Variants in LRRN1 observed in about 807,000 individuals in gnomAD.
The protein encoded by LRRN1 is leucine rich repeat neuronal 1.
In LRRN1, 14 loss-of-function variants were observed where a neutral mutation model predicts 45.8. The ratio of observed to expected loss-of-function variants is 0.31; its 90% CI spans 0.20 to 0.48. The LOEUF (loss-of-function observed/expected upper bound fraction) is 0.48, where lower values mean the gene tolerates loss of function less well. Among genes scored for constraint, LRRN1 ranks in the 20% least tolerant of loss-of-function variants. The probability of loss-of-function intolerance (pLI) is 0.99; values close to 1 mark genes in which losing one functional copy is unlikely to be tolerated. For missense variants in LRRN1, 789 were observed against 874.2 expected (o/e 0.90, Z 1.23); for synonymous variants, 359 against 330.1 (o/e 1.09, Z -0.95).
At position 3,799,447 on chromosome 3, in the gene LRRN1, G is replaced by T. The variant is rs540048320; in HGVS notation, c.-751G>T. ...GGCTGCGGGGAGCACAAAGCGGGGC[G>T]CACCGCGGGCGCCGGCAACGAGCCG... is the stretch of plus-strand genomic sequence containing the variant. On this transcript the variant is annotated 5_prime_UTR_variant, in exon 1 of 2. Coordinates refer to ENST00000319331, the MANE Select transcript of LRRN1 (RefSeq NM_020873.7). The T allele has an allele frequency of 3.3e-5, 5 of 152,006 alleles. No homozygotes were observed. The highest frequency in any genetic ancestry group is 1.3e-4 in the Admixed American group (2 of 15,274). The allele number at this position is 152,006 out of a possible 1,614,324, so 9.4% of individuals were successfully genotyped here. A position where few individuals can be genotyped will look rare whatever the true frequency, so the allele number is the denominator to read the frequency against.
chr3:3,835,330 A>C (rs1693484032), intron 1 of LRRN1, among the ~76,000 whole-genome samples: 1 of 152,232 alleles, frequency 6.6e-6, no homozygotes, highest in South Asian at 2.1e-4. Context: ...TGAATTTCTC[A>C]TGTAATTGAA....
Position 3,849,317 on chromosome 3 carries a change from G to A in LRRN1, c.*2525G>A, listed in dbSNP as rs1168185051. On this transcript the variant is annotated 3_prime_UTR_variant, in exon 2 of 2. Coordinates refer to ENST00000319331, the MANE Select transcript of LRRN1 (RefSeq NM_020873.7). ...ATCAACAATATCTTCTGCCAGCCCA[G>A]TTTGGGGGGAAAAACCCCTTTTACA... Among the ~76,000 whole-genome samples the A allele has an allele frequency of 1.3e-5, 2 of 152,276 alleles. No individual in the cohort carries two copies. Among genetic ancestry groups the A allele is most frequent in the Admixed American group, 6.5e-5 (1 of 15,302 alleles).
At position 3,846,608 on chromosome 3, in the gene LRRN1, T is replaced by G. The variant is rs753088503; in HGVS notation, c.1967T>G (p.Phe656Cys). 1.2e-6 allele frequency: 2 copies of G among 1,614,044 alleles called. No homozygotes were observed. Among genetic ancestry groups the G allele is most frequent in the Admixed American group, 1.7e-5 (1 of 59,986 alleles). Residue 656 changes from phenylalanine to cysteine, a missense_variant, in exon 2 of 2, where the codon TTT becomes TGT. Transcript: ENST00000319331. The surrounding 1 kb of genome is among the most constrained non-coding windows in gnomAD (Gnocchi z 5.7). ...ASIAVYFAKR[F>C]KRKNYHHSLK... Reference sequence around the variant, plus strand: ...ATTGCTGTGTACTTTGCCAAAAGATTTAAGAGAAAAAACTACCACCACTCA... The same window carrying G: ...ATTGCTGTGTACTTTGCCAAAAGATGTAAGAGAAAAAACTACCACCACTCA...
intron 1 of LRRN1, among the ~76,000 whole-genome samples, chr3:3,821,651 A>G (rs1693108304): frequency 6.6e-6 from 1 of 152,178 alleles, no homozygotes; most frequent in African/African-American, 2.4e-5. Flanking sequence ...ACTAGATTTC[A>G]TCAGAGTCTA....
intron 1 of LRRN1, among the ~76,000 whole-genome samples, chr3:3,803,800 G>A (rs892062130): frequency 6.6e-6 from 1 of 152,126 alleles, no homozygotes; most frequent in African/African-American, 2.4e-5. Context: ...GGATCCATTT[G>A]TTCTAAAGGT....
rs1559319060 is a variant in LRRN1 at position 3,848,759 on chromosome 3, GT to G, written c.*1969del. Among the ~76,000 whole-genome samples, 2 of 152,192 alleles carry G rather than the reference GT, an allele frequency of 1.3e-5. No homozygotes were observed. The highest frequency in any genetic ancestry group is 3.9e-4 in the East Asian group (2 of 5,188). On this transcript the variant is annotated 3_prime_UTR_variant, in exon 2 of 2. Transcript: ENST00000319331. ...GCTTACCCAGTTCGGACTCCTGCCAGTTCAGCGCTCTGCACTCCATTGATTG... is the reference window on the plus strand; with the variant it reads ...GCTTACCCAGTTCGGACTCCTGCCAGTCAGCGCTCTGCACTCCATTGATTG...
intron 1 of LRRN1, among the ~76,000 whole-genome samples, chr3:3,821,762 G>A (rs1693111069): frequency 6.6e-6 from 1 of 152,128 alleles, no homozygotes; most frequent in Non-Finnish European, 1.5e-5. Flanking sequence ...ATGTAGAAAA[G>A]ACCCACCAGA....
intron 1 of LRRN1, among the ~76,000 whole-genome samples, chr3:3,825,476 TG>T (rs1254057173): frequency 2.0e-5 from 3 of 152,170 alleles, no homozygotes; most frequent in Non-Finnish European, 2.9e-5. Flanking sequence ...AGAGAATTTT[TG>T]TCTCGATGAA....
chr3:3,810,123 T>C (rs1205667203), intron 1 of LRRN1, among the ~76,000 whole-genome samples: 3 of 152,212 alleles, frequency 2.0e-5, no homozygotes, highest in Admixed American at 6.5e-5. Flanking sequence ...ATTAGAGCCT[T>C]TTTTGTTTGT....
chr3:3,841,162 G>C (rs536667676), intron 1 of LRRN1, among the ~76,000 whole-genome samples: 2 of 152,038 alleles, frequency 1.3e-5, no homozygotes, highest in Non-Finnish European at 2.9e-5. Context: ...GTGGTGGCAC[G>C]TGCCTGTAGT....
In LRRN1 at chr3:3,845,713, G is replaced by A. The variant is rs777081928; in HGVS notation, c.1072G>A (p.Glu358Lys). 3.8e-5 allele frequency: 62 copies of A among 1,613,824 alleles called. No individual in the cohort carries two copies. The highest frequency in any genetic ancestry group is 4.9e-5 in the Non-Finnish European group (58 of 1,180,010). The change falls in exon 2 of 2, where the codon GAA becomes AAA. Residue 358 changes from glutamate to lysine, a missense_variant. Glu to Lys is a moderately conservative substitution (Grantham distance 56, BLOSUM62 1). Transcript: ENST00000319331. The surrounding 1 kb of genome is among the most constrained non-coding windows in gnomAD (Gnocchi z 6.5). Reference protein sequence around the residue: ...ALNAIYQKTVESLPNLREISI... With the variant: ...ALNAIYQKTVKSLPNLREISI... ...GAATGCCATTTACCAAAAGACAGTC[G>A]AATCCCTCCCCAATCTGCGTGAGAT...
chr3:3,828,991 CTT>C (rs386395826), intron 1 of LRRN1, among the ~76,000 whole-genome samples: 8 of 140,486 alleles, frequency 5.7e-5, no homozygotes, highest in Non-Finnish European at 7.7e-5. Context: ...TCTTTTCTTT[CTT>C]TTTTTTTTTT....
chr3:3,833,301 C>T (rs1488187578), intron 1 of LRRN1, among the ~76,000 whole-genome samples: 1 of 152,204 alleles, frequency 6.6e-6, no homozygotes, highest in Non-Finnish European at 1.5e-5. Context: ...TTCCAGCTTG[C>T]TCACTGTGGG....
At chr3:3,809,079 T>G (rs1488226174) in intron 1 of LRRN1, among the ~76,000 whole-genome samples, 1 of 152,192 alleles carries the variant, frequency 6.6e-6, no homozygotes, top group Non-Finnish European at 1.5e-5. Context: ...GTGATTAATT[T>G]TGAAAAAATT....
At chr3:3,824,565 G>A (rs1693175626) in intron 1 of LRRN1, among the ~76,000 whole-genome samples, 1 of 152,094 alleles carries the variant, frequency 6.6e-6, no homozygotes, top group Non-Finnish European at 1.5e-5. Context: ...TTGGCCATCA[G>A]TGTAATTGAT....
In LRRN1 at chr3:3,844,959, C is replaced by T; in HGVS notation, c.318C>T (p.Asn106=). 1 of 1,614,138 alleles carries T rather than the reference C, an allele frequency of 6.2e-7. No individual in the cohort carries two copies. The change falls in exon 2 of 2, where the codon AAC becomes AAT. Residue 106 remains asparagine, a synonymous_variant. Coordinates refer to ENST00000319331, the MANE Select transcript of LRRN1 (RefSeq NM_020873.7). ...CTGAACTAGATTTCTCCCAAAACAA[C>T]TTTACTAACATTAAGGAGGTCGGGC... ...NLTELDFSQN[N]FTNIKEVGLA... is the part of the protein sequence containing the mutation.
At chr3:3,824,897 A>G (rs1693184079) in intron 1 of LRRN1, among the ~76,000 whole-genome samples, 1 of 152,050 alleles carries the variant, frequency 6.6e-6, no homozygotes, top group South Asian at 2.1e-4. Flanking sequence ...CTGCAAAATG[A>G]GAGGTTATTG....
chr3:3,835,893 T>G (rs979341042), intron 1 of LRRN1, among the ~76,000 whole-genome samples: 2 of 152,042 alleles, frequency 1.3e-5, no homozygotes, highest in East Asian at 3.9e-4. Flanking sequence ...TCAAATGTAA[T>G]GTATAATTGT....
chr3:3,817,517 T>C (rs1693012640), intron 1 of LRRN1, among the ~76,000 whole-genome samples: 1 of 152,214 alleles, frequency 6.6e-6, no homozygotes, highest in Admixed American at 6.5e-5. Flanking sequence ...TACATCTGCC[T>C]TCAAATTTTA....
Sources: allele counts gnomAD v4.1 joint callset (sites outside exome capture counted in the v4.1 genomes callset), GRCh38; gene constraint gnomAD v4.1.1; non-coding constraint Gnocchi (gnomAD v3.1); transcripts MANE v1.5; gene names NCBI Gene and HGNC (gene_info 2026-07-23, HGNC 2026-07-21).